The following CLASP1 variants were observed in gnomAD, a reference collection of about 807,000 sequenced individuals.
CLASP1 encodes the protein CLIP-associating protein 1.
Under a neutral mutation model 192.3 loss-of-function variants are expected in CLASP1, and 38 were observed. The ratio of observed to expected loss-of-function variants is 0.20; its 90% CI spans 0.15 to 0.26. The LOEUF is 0.26. CLASP1 is among the 10% of genes least tolerant of loss of function. CLASP1 has a pLI of 1.00. For synonymous variants in CLASP1, 691 were observed against 712.8 expected, an observed-to-expected ratio of 0.97 and a Z score of 0.49; for missense variants, 1,433 against 1,932.5, an observed-to-expected ratio of 0.74 and a Z score of 4.85.
At chr2:121,483,359 T>C (rs1426614640) in intron 8 of CLASP1, among the ~76,000 whole-genome samples, 1 of 152,122 alleles carries the variant, frequency 6.6e-6, no homozygotes, top group Non-Finnish European at 1.5e-5. Context: ...TTAACCATTG[T>C]AGTGAAGGAA....
chr2:121,484,128 G>A (rs1463315030), intron 8 of CLASP1, among the ~76,000 whole-genome samples: 3 of 152,176 alleles, frequency 2.0e-5, no homozygotes, highest in East Asian at 1.9e-4. Flanking sequence ...GTTATTCTAC[G>A]TAAGGTACAG....
chr2:121,495,376 A>G (rs1409861498), intron 8 of CLASP1, among the ~76,000 whole-genome samples: 1 of 151,798 alleles, frequency 6.6e-6, no homozygotes, highest in Non-Finnish European at 1.5e-5. Context: ...TAAAGAATAC[A>G]ATGGCTGGGC....
intron 8 of CLASP1, among the ~76,000 whole-genome samples, chr2:121,491,314 TATC>T (rs1193476488): frequency 6.6e-6 from 1 of 152,248 alleles, no homozygotes; most frequent in Non-Finnish European, 1.5e-5. Flanking sequence ...ATTATAGAAT[TATC>T]ATGGATTTAA....
intron 6 of CLASP1, among the ~76,000 whole-genome samples, chr2:121,524,256 G>A (rs953325518): frequency 1.2e-4 from 18 of 151,988 alleles, no homozygotes; most frequent in African/African-American, 3.9e-4. Flanking sequence ...CCCAGAGTGC[G>A]GCCTCTATAA....
At chr2:121,455,358 T>C (rs933560515) in intron 14 of CLASP1, among the ~76,000 whole-genome samples, 2 of 152,190 alleles carry the variant, frequency 1.3e-5, no homozygotes, top group African/African-American at 4.8e-5. Context: ...CTCTCATGAT[T>C]ATTGCAAGAC....
chr2:121,473,970 T>C (rs2091210739), intron 8 of CLASP1, among the ~76,000 whole-genome samples: 1 of 152,172 alleles, frequency 6.6e-6, no homozygotes, highest in Non-Finnish European at 1.5e-5. Context: ...GGAAAAATGA[T>C]ACCAGTTGGA....
intron 2 of CLASP1, among the ~76,000 whole-genome samples, chr2:121,561,918 A>G (rs998489998): frequency 5.9e-5 from 9 of 152,332 alleles, no homozygotes; most frequent in African/African-American, 1.7e-4. Context: ...CAGGATTGCA[A>G]AAATCAGAGG....
chr2:121,568,909 T>C lies in CLASP1; in HGVS notation c.195+36792A>G, dbSNP rs141984519. On this transcript the variant is annotated intron_variant, in intron 2 of 39. Coordinates refer to ENST00000263710, the Ensembl canonical transcript of CLASP1. Reference sequence around the variant, plus strand: ...AGGTGGCAGGAATAGTTTGGAGGAATAGAATTGATAGGGTAGCCTCTGGCT... The same window carrying C: ...AGGTGGCAGGAATAGTTTGGAGGAACAGAATTGATAGGGTAGCCTCTGGCT... 7.9e-3 allele frequency among the ~76,000 whole-genome samples: 1,198 copies of C among 152,222 alleles called. 7 individuals are homozygous for C. Among genetic ancestry groups the C allele is most frequent in the Non-Finnish European group, 0.014 (946 of 68,012 alleles).
At chr2:121,429,718 G>T (rs2081057734) in intron 20 of CLASP1, among the ~76,000 whole-genome samples, 1 of 152,082 alleles carries the variant, frequency 6.6e-6, no homozygotes, top group Non-Finnish European at 1.5e-5. Flanking sequence ...ATAGTTTTCT[G>T]CCCACGTACT....
chr2:121,615,081 T>C (rs767595645), intron 1 of CLASP1, among the ~76,000 whole-genome samples: 3 of 152,254 alleles, frequency 2.0e-5, no homozygotes, highest in Non-Finnish European at 2.9e-5. Flanking sequence ...GGCTCACGCC[T>C]GTAATCCCAG....
At chr2:121,530,194 G>C in intron 3 of CLASP1, 53 bp downstream of exon 3, 1 of 1,472,042 alleles carries the variant, frequency 6.8e-7, no homozygotes, top group South Asian at 1.2e-5. Context: ...GAGGCCGAGG[G>C]AAGGCTGGGG....
Position 121,498,201 on chromosome 2 carries a change from CTTTT to C in CLASP1, c.712+4962_712+4965del, listed in dbSNP as rs70954551. 1.8e-3 allele frequency among the ~76,000 whole-genome samples: 211 copies of C among 119,088 alleles called. 4 individuals are homozygous for C. The East Asian group carries it at 0.027, about 15-fold the overall frequency. 78.1% of individuals were successfully genotyped at this position (119,088 alleles called of 152,430 possible). ...ACTGTGGTAAAATAGGTAATAGTTT[CTTTT>C]TTTTTTTTTTTTTTCTGAGACGGAG... On this transcript the variant is annotated intron_variant, in intron 8 of 39. Transcript: ENST00000263710.
chr2:121,402,737 A>C (rs1470159852), intron 26 of CLASP1: 6 of 485,684 alleles, frequency 1.2e-5, no homozygotes, highest in Non-Finnish European at 2.0e-5. Context: ...AAATCTTAAG[A>C]ATCTAATTAT....
intron 33 of CLASP1, 68 bp from the exon 35 acceptor site, chr2:121,377,717 T>C: frequency 9.3e-7 from 1 of 1,071,310 alleles, no homozygotes; most frequent in Non-Finnish European, 1.3e-6. Context: ...TGGGCATAAG[T>C]TACTTCCCAC....
chr2:121,630,347 A>T (rs950966769), intron 1 of CLASP1, among the ~76,000 whole-genome samples: 1 of 151,832 alleles, frequency 6.6e-6, no homozygotes, highest in Non-Finnish European at 1.5e-5. Flanking sequence ...ATTGAAAACT[A>T]CAGAAAGTTT....
chr2:121,398,811 A>T (rs1239501458), intron 28 of CLASP1, among the ~76,000 whole-genome samples: 1 of 152,200 alleles, frequency 6.6e-6, no homozygotes, highest in Non-Finnish European at 1.5e-5. Flanking sequence ...GACCCTGCTT[A>T]AACTAACCGT....
At chr2:121,464,043 T>C (rs1346056927) in intron 9 of CLASP1, among the ~76,000 whole-genome samples, 1 of 138,332 alleles carries the variant, frequency 7.2e-6, no homozygotes. Context: ...CCCCTTCCTG[T>C]GTCCATGTGT....
chr2:121,606,983 G>T (rs1466419027), intron 1 of CLASP1, among the ~76,000 whole-genome samples: 1 of 152,110 alleles, frequency 6.6e-6, no homozygotes, highest in Non-Finnish European at 1.5e-5. Context: ...TTAAACTCAG[G>T]AGGCAGAGCT....
chr2:121,522,692 A>G (rs1044474042), intron 6 of CLASP1, among the ~76,000 whole-genome samples: 1 of 152,126 alleles, frequency 6.6e-6, no homozygotes, highest in East Asian at 1.9e-4. Flanking sequence ...GGAGCACCTG[A>G]TTTTTGGTAG....
Sources: gnomAD v4.1 joint callset for allele counts (sites outside exome capture counted in the v4.1 genomes callset) on GRCh38, gnomAD v4.1.1 for gene constraint, MANE v1.5 for transcripts, NCBI Gene and HGNC (gene_info 2026-07-23, HGNC 2026-07-21) for gene names.